The following NAALADL2 variants were observed in gnomAD, a reference collection of about 807,000 sequenced individuals.
The protein encoded by NAALADL2 is N-acetylated alpha-linked acidic dipeptidase like 2.
Under a neutral mutation model 87.2 loss-of-function variants are expected in NAALADL2, and 76 were observed. The ratio of observed to expected loss-of-function variants is 0.87; its 90% CI spans 0.72 to 1.05. NAALADL2 has a LOEUF of 1.05. Ranked by LOEUF, NAALADL2 falls within the 50% of genes least tolerant of loss-of-function variation. The probability of loss-of-function intolerance (pLI) is 0.00; values close to 1 mark genes in which losing one functional copy is unlikely to be tolerated. For missense variants in NAALADL2, 1,089 were observed against 945.8 expected (o/e 1.15, Z -1.99); for synonymous variants, 354 against 331.0 (o/e 1.07, Z -0.75).
chr3:174,670,884 C>G (rs1726465294), intron 2 of NAALADL2, among the ~76,000 whole-genome samples: 1 of 151,974 alleles, frequency 6.6e-6, no homozygotes, highest in African/African-American at 2.4e-5. Context: ...GTGACTAGAT[C>G]ATGCGAGTGG....
intron 9 of NAALADL2, among the ~76,000 whole-genome samples, chr3:175,544,595 C>T (rs557701711): frequency 6.6e-6 from 1 of 152,240 alleles, no homozygotes; most frequent in South Asian, 2.1e-4. Flanking sequence ...ATAAAAGCCT[C>T]CTGTGTATTT....
chr3:174,568,153 G>A (rs767313062), intron 2 of NAALADL2, among the ~76,000 whole-genome samples: 14 of 151,558 alleles, frequency 9.2e-5, no homozygotes, highest in Non-Finnish European at 1.8e-4. Flanking sequence ...TTTATTGTTC[G>A]CAGACATACT....
chr3:174,834,699 ATCAT>A (rs1279486802), intron 3 of NAALADL2, among the ~76,000 whole-genome samples: 2 of 151,914 alleles, frequency 1.3e-5, no homozygotes, highest in East Asian at 3.9e-4. Context: ...CATTTACAAA[ATCAT>A]TCAGTCATAG....
chr3:174,802,259 A>C (rs1011122733), intron 3 of NAALADL2, among the ~76,000 whole-genome samples: 7 of 152,176 alleles, frequency 4.6e-5, no homozygotes, highest in Non-Finnish European at 1.0e-4. Context: ...TGAAGTTTAC[A>C]CTAAAGCCTG....
intron 1 of NAALADL2, among the ~76,000 whole-genome samples, chr3:174,898,297 A>G (rs1241904250): frequency 6.6e-6 from 1 of 151,656 alleles, no homozygotes; most frequent in Non-Finnish European, 1.5e-5. Context: ...CTCATGATAT[A>G]GAGAGTAGAA....
chr3:174,724,774 C>T (rs1054940290), intron 2 of NAALADL2, among the ~76,000 whole-genome samples: 1 of 152,130 alleles, frequency 6.6e-6, no homozygotes, highest in Non-Finnish European at 1.5e-5. Context: ...AATAGTAGAT[C>T]TATTTTGCAC....
At chr3:175,139,497 A>G (rs576070397) in intron 2 of NAALADL2, among the ~76,000 whole-genome samples, 3 of 152,256 alleles carry the variant, frequency 2.0e-5, no homozygotes, top group South Asian at 2.1e-4. Flanking sequence ...TTTATTTCCT[A>G]TGTCTCTGCT....
intron 10 of NAALADL2, among the ~76,000 whole-genome samples, chr3:175,590,483 A>G: frequency 6.6e-6 from 1 of 152,098 alleles, no homozygotes; most frequent in East Asian, 1.9e-4. Context: ...ACTTATCACA[A>G]GACATTATAA....
Position 175,037,681 on chromosome 3 carries a change from G to A in NAALADL2, c.44-59109G>A, listed in dbSNP as rs979407416. ...GAGTTCTCTGTCTAAATGGCCTCAT[G>A]CCTGCTTCTACCTCCTGTGTGAGCC... On this transcript the variant is annotated intron_variant, in intron 1 of 13. Coordinates refer to ENST00000454872, the MANE Select transcript of NAALADL2 (RefSeq NM_207015.3). 7.9e-5 allele frequency among the ~76,000 whole-genome samples: 12 copies of A among 152,120 alleles called. No homozygotes were observed. In the East Asian group the frequency reaches 2.1e-3, roughly 27 times the overall value.
intron 2 of NAALADL2, among the ~76,000 whole-genome samples, chr3:175,184,508 C>T (rs1034468379): frequency 3.3e-5 from 5 of 151,510 alleles, no homozygotes; most frequent in African/African-American, 4.8e-5. Context: ...TTTCCTTCTC[C>T]GGAAGTACTG....
chr3:174,940,263 A>T (rs2108464302), intron 1 of NAALADL2, among the ~76,000 whole-genome samples: 1 of 152,268 alleles, frequency 6.6e-6, no homozygotes, highest in East Asian at 1.9e-4. Flanking sequence ...ATCCATTGAG[A>T]TAATCATGTG....
intron 6 of NAALADL2, among the ~76,000 whole-genome samples, chr3:175,461,670 A>G (rs56114385): frequency 0.014 from 2,188 of 151,528 alleles, 41 homozygotes; most frequent in African/African-American, 0.049. Context: ...CTCGCTGCTA[A>G]CTTAGACAAA....
intron 9 of NAALADL2, among the ~76,000 whole-genome samples, chr3:175,567,044 A>T (rs970750399): frequency 2.6e-5 from 4 of 152,198 alleles, no homozygotes; most frequent in Admixed American, 6.5e-5. Context: ...AGATGGATTC[A>T]TCTGGAACTT....
chr3:174,791,691 C>T (rs963039197), intron 3 of NAALADL2, among the ~76,000 whole-genome samples: 2 of 152,130 alleles, frequency 1.3e-5, no homozygotes, highest in African/African-American at 4.8e-5. Context: ...AAGAATTGTT[C>T]CTTCACATTT....
At chr3:174,928,194 G>C (rs1736364017) in intron 1 of NAALADL2, among the ~76,000 whole-genome samples, 2 of 152,162 alleles carry the variant, frequency 1.3e-5, no homozygotes, top group Non-Finnish European at 2.9e-5. Flanking sequence ...CTATAGCACA[G>C]ATGTTAGGGA....
At chr3:175,634,974 C>T (rs1375121974) in intron 11 of NAALADL2, among the ~76,000 whole-genome samples, 2 of 151,966 alleles carry the variant, frequency 1.3e-5, no homozygotes, top group South Asian at 2.1e-4. Flanking sequence ...GTAATAAAGA[C>T]TCTTGGTTGG....
intron 11 of NAALADL2, among the ~76,000 whole-genome samples, chr3:175,682,510 C>T (rs1364896562): frequency 2.0e-5 from 3 of 151,812 alleles, no homozygotes; most frequent in Non-Finnish European, 4.4e-5. Context: ...AGAGCAGCTA[C>T]TGAAGATTGT....
rs1247397431 is a variant in NAALADL2 at position 174,955,252 on chromosome 3, C to G, written c.43+95802C>G. Among the ~76,000 whole-genome samples, 5 of 152,060 alleles carry G rather than the reference C, an allele frequency of 3.3e-5. 1 individual carries two copies. Among genetic ancestry groups the G allele is most frequent in the Admixed American group, 6.6e-5 (1 of 15,236 alleles). The stretch of plus-strand genomic sequence containing the variant: ...GCATTTTCAAAGTTGGCAAGTGTAC[C>G]ATATCAGGAGATTCTACCAATTTCC... On this transcript the variant is annotated intron_variant, in intron 1 of 13. Transcript: ENST00000454872.
rs72622547 is a variant in NAALADL2 at position 174,930,296 on chromosome 3, A to T, written c.43+70846A>T. ...ATATATTATTCCCTGTGATTTTTTTAAAAAAATGTTTTTATTTCTGTAATA... is the reference window on the plus strand; with the variant it reads ...ATATATTATTCCCTGTGATTTTTTTTAAAAAATGTTTTTATTTCTGTAATA... On this transcript the variant is annotated intron_variant, in intron 1 of 13. Coordinates refer to ENST00000454872, the MANE Select transcript of NAALADL2 (RefSeq NM_207015.3). Among the ~76,000 whole-genome samples the T allele has an allele frequency of 1.7e-3, 258 of 152,100 alleles. 5 individuals carry two copies. The East Asian group carries it at 0.037, about 22-fold the overall frequency.
Sources: allele counts gnomAD v4.1 joint callset (sites outside exome capture counted in the v4.1 genomes callset), GRCh38; gene constraint gnomAD v4.1.1; transcripts MANE v1.5; gene names NCBI Gene and HGNC (gene_info 2026-07-23, HGNC 2026-07-21).